The following LRRC37A2 variants were observed in gnomAD, a reference collection of about 807,000 sequenced individuals.
LRRC37A2 encodes the protein leucine rich repeat containing 37 member A2.
Under a neutral mutation model 68.8 loss-of-function variants are expected in LRRC37A2, and 9 were observed. That is an observed-to-expected ratio of 0.13 (90% CI 0.08 to 0.23). LRRC37A2 has a LOEUF of 0.23. Among genes scored for constraint, LRRC37A2 ranks in the 10% least tolerant of loss-of-function variants. The pLI, the probability that LRRC37A2 is intolerant of heterozygous loss-of-function variation, is 1.00. For missense variants in LRRC37A2, 168 were observed against 950.4 expected (o/e 0.18, Z 10.82); for synonymous variants, 63 against 367.6 (o/e 0.17, Z 9.48).
the LRRC37A2 span, among the ~76,000 whole-genome samples, chr17:46,819,167 A>G: frequency 1.3e-5 from 2 of 152,124 alleles, no homozygotes; most frequent in Non-Finnish European, 2.9e-5. This position sits in a 1 kb window ranked among gnomAD's most constrained non-coding sequence, Gnocchi z 5.3. Flanking sequence ...CGGGCAGGTC[A>G]GGATCAGAGG....
chr17:46,801,352 G>A, the LRRC37A2 span, among the ~76,000 whole-genome samples: 1 of 152,236 alleles, frequency 6.6e-6, no homozygotes, highest in Non-Finnish European at 1.5e-5. Context: ...GGGCACGGTG[G>A]CTCACGCCTG....
the LRRC37A2 span, chr17:46,949,108 A>T: frequency 6.6e-6 from 1 of 152,358 alleles, no homozygotes; most frequent in South Asian, 2.1e-4. Flanking sequence ...TGAGCATAAG[A>T]ACTGGGGACC....
the LRRC37A2 span, among the ~76,000 whole-genome samples, chr17:47,022,166 C>CTTTTTTTTTTTTTTTTTTTTTTTTTTTTT: frequency 6.3e-5 from 1 of 15,844 alleles, no homozygotes. Flanking sequence ...CCTTTTTGTT[C>CTTTTTTTTTTTTTTTTTTTTTTTTTTTTT]TCTTTTTTTT....
chr17:46,797,835 T>C, the LRRC37A2 span, among the ~76,000 whole-genome samples: 205 of 152,306 alleles, frequency 1.3e-3, 1 homozygote, highest in African/African-American at 4.5e-3. Flanking sequence ...TAGCTCAACA[T>C]AGAGGGCCAC....
the LRRC37A2 span, chr17:46,755,204 C>G: frequency 1.3e-6 from 1 of 764,262 alleles, no homozygotes; most frequent in Admixed American, 2.0e-5. Context: ...ATTCAGTGAC[C>G]TAGCAGAGCA....
chr17:46,974,987 C>CTTTTTT, the LRRC37A2 span, among the ~76,000 whole-genome samples: 6 of 119,064 alleles, frequency 5.0e-5, no homozygotes, highest in Non-Finnish European at 7.0e-5. Context: ...TTACTATTTT[C>CTTTTTT]TTTTTTTTTT....
the LRRC37A2 span, among the ~76,000 whole-genome samples, chr17:46,985,392 C>T: frequency 3.7e-3 from 564 of 151,982 alleles, 5 homozygotes; most frequent in Non-Finnish European, 6.2e-3. Context: ...TGGTGGTGCA[C>T]GCCTGTAATC....
At chr17:46,894,950 G>C in the LRRC37A2 span, among the ~76,000 whole-genome samples, 1 of 152,322 alleles carries the variant, frequency 6.6e-6, no homozygotes, top group Middle Eastern at 3.4e-3. Context: ...TCCCGGGCAG[G>C]GGCCTGTGCT....
the LRRC37A2 span, chr17:46,851,633 A>AGCACCATGCGCCCCCC: frequency 7.9e-7 from 1 of 1,269,998 alleles, no homozygotes; most frequent in Non-Finnish European, 9.9e-7. The surrounding 1 kb of genome is among the most constrained non-coding windows in gnomAD (Gnocchi z 4.3). Context: ...CAGCGCCGCC[A>AGCACCATGCGCCCCCC]GCACCATGCG....
At chr17:46,768,712 C>A in the LRRC37A2 span, 1 of 1,614,104 alleles carries the variant, frequency 6.2e-7, no homozygotes, top group Non-Finnish European at 8.5e-7. This position sits in a 1 kb window ranked among gnomAD's most constrained non-coding sequence, Gnocchi z 5.0. Flanking sequence ...GCACGGAAGT[C>A]AGGCTGCGCC....
At chr17:46,814,315 T>C in the LRRC37A2 span, among the ~76,000 whole-genome samples, 3 of 152,240 alleles carry the variant, frequency 2.0e-5, no homozygotes, top group African/African-American at 7.2e-5. Context: ...GCTCAGGCTC[T>C]TGGTATTATT....
chr17:46,977,375 G>C, the LRRC37A2 span, among the ~76,000 whole-genome samples: 1 of 152,218 alleles, frequency 6.6e-6, no homozygotes, highest in Non-Finnish European at 1.5e-5. Flanking sequence ...TAAGTGTAGT[G>C]GGGGATACAT....
At chr17:46,457,364 CAG>C in the LRRC37A2 span, among the ~76,000 whole-genome samples, 1 of 22,884 alleles carries the variant, frequency 4.4e-5, no homozygotes, top group Non-Finnish European at 1.1e-4. Flanking sequence ...ATTGAGTTGT[CAG>C]AGCTCAAAGG....
the LRRC37A2 span, among the ~76,000 whole-genome samples, chr17:46,928,341 G>C: frequency 2.0e-5 from 3 of 152,168 alleles, no homozygotes; most frequent in Non-Finnish European, 4.4e-5. Context: ...TGGGGTCCTG[G>C]TTTGCATTGC....
the LRRC37A2 span, among the ~76,000 whole-genome samples, chr17:46,667,456 TTTTC>T: frequency 6.9e-6 from 1 of 145,300 alleles, no homozygotes; most frequent in East Asian, 1.9e-4. Flanking sequence ...TCAGGTTTGA[TTTTC>T]TTTTTTTTTT....
the LRRC37A2 span, chr17:46,721,903 A>G: frequency 1.3e-6 from 2 of 1,589,944 alleles, no homozygotes; most frequent in African/African-American, 1.3e-5. Context: ...CATGCTTCCC[A>G]CTGAACTTTT....
chr17:46,534,893 C>T lies in LRRC37A2; in HGVS notation c.2907-5283C>T, dbSNP rs1218366702. 7.4e-5 allele frequency among the ~76,000 whole-genome samples: 11 copies of T among 149,424 alleles called. 1 individual carries two copies. Among genetic ancestry groups the T allele is most frequent in the African/African-American group, 1.8e-4 (7 of 39,310 alleles). ...GGGGCTCCTCACTTCTCAGACGGGGCGGCTGCTGGGCGGAGGGGCTCCTCA... is the reference window on the plus strand; with the variant it reads ...GGGGCTCCTCACTTCTCAGACGGGGTGGCTGCTGGGCGGAGGGGCTCCTCA... On this transcript the variant is annotated intron_variant, in intron 6 of 14. Transcript: ENST00000576629.
chr17:46,769,338 GAAA>G, the LRRC37A2 span, among the ~76,000 whole-genome samples: 1 of 149,900 alleles, frequency 6.7e-6, no homozygotes, highest in Non-Finnish European at 1.5e-5. Context: ...AAAAAGAAAA[GAAA>G]AAGAAAAAAG....
chr17:46,931,234 T>A, the LRRC37A2 span: 4 of 1,044,912 alleles, frequency 3.8e-6, no homozygotes, highest in Non-Finnish European at 6.1e-6. Context: ...GACATGGCTC[T>A]GATACTCCAG....
Sources: allele counts gnomAD v4.1 joint callset (sites outside exome capture counted in the v4.1 genomes callset), GRCh38; gene constraint gnomAD v4.1.1; non-coding constraint Gnocchi (gnomAD v3.1); transcripts MANE v1.5; gene names NCBI Gene and HGNC (gene_info 2026-07-23, HGNC 2026-07-21).